Variants in GREM1 observed in about 807,000 individuals in gnomAD.
The protein encoded by GREM1 is gremlin 1, DAN family BMP antagonist.
Under a neutral mutation model 13.1 loss-of-function variants are expected in GREM1, and 6 were observed. That is an observed-to-expected ratio of 0.46 (90% confidence interval 0.25 to 0.91). The LOEUF (loss-of-function observed/expected upper bound fraction) is 0.91, where lower values mean the gene tolerates loss of function less well. GREM1 is among the 40% of genes least tolerant of loss of function. The pLI is 0.18. For missense variants in GREM1, 185 were observed against 233.9 expected (o/e 0.79, Z 1.36); for synonymous variants, 98 against 93.7 (o/e 1.05, Z -0.27).
rs2055724276 is a variant in GREM1 at position 32,738,113 on chromosome 15, AAAAAAAAAAAAAAAAAAAAAG to A, written c.*6873_*6893del. On this transcript the variant is annotated 3_prime_UTR_variant, in exon 2 of 2. Transcript: ENST00000651154. ...AAAAAAAAAAAAAAAAAAAAAAAAA[AAAAAAAAAAAAAAAAAAAAAG>A]AAAAGAAAAAAGTCATCCAGATTGG... The A allele has an allele frequency of 7.8e-6, 1 of 127,850 alleles. No individual in the cohort carries two copies. The highest frequency in any genetic ancestry group is 1.6e-5 in the Non-Finnish European group (1 of 61,840). 7.9% of individuals were successfully genotyped at this position (127,850 alleles called of 1,614,324 possible).
At chr15:32,719,348 A>C (rs1205772214) in intron 1 of GREM1, among the ~76,000 whole-genome samples, 1 of 152,170 alleles carries the variant, frequency 6.6e-6, no homozygotes, top group Non-Finnish European at 1.5e-5. Context: ...GGCTCTGGCG[A>C]CGGTCACCGG....
chr15:32,728,393 C>T lies in GREM1; in HGVS notation c.-1-2297C>T, dbSNP rs375717764. Among the ~76,000 whole-genome samples the T allele has an allele frequency of 2.0e-4, 31 of 152,218 alleles. 2 individuals are homozygous for T. Among genetic ancestry groups the T allele is most frequent in the Middle Eastern group, 3.4e-3 (1 of 294 alleles). On this transcript the variant is annotated intron_variant, in intron 1 of 1. Transcript: ENST00000651154. ...CATACACTGACCAAAGGTGGGAAACCTACAGTTGGAGCAGAAGCTGAATGT... is the reference window on the plus strand; with the variant it reads ...CATACACTGACCAAAGGTGGGAAACTTACAGTTGGAGCAGAAGCTGAATGT...
chr15:32,723,138 C>T (rs1160431190), intron 1 of GREM1, among the ~76,000 whole-genome samples: 1 of 152,196 alleles, frequency 6.6e-6, no homozygotes, highest in East Asian at 1.9e-4. Flanking sequence ...ATGGGACACC[C>T]TTCTACATGT....
chr15:32,732,616 G>A lies in GREM1; in HGVS notation c.*1371G>A, dbSNP rs1428652695. Reference sequence around the variant, plus strand: ...TTTATGTGCTCACTGAGGATCTGAGGGGACCCTGTTAGGAGAGCATAGCAT... The same window carrying A: ...TTTATGTGCTCACTGAGGATCTGAGAGGACCCTGTTAGGAGAGCATAGCAT... On this transcript the variant is annotated 3_prime_UTR_variant, in exon 2 of 2. Coordinates refer to ENST00000651154, the MANE Select transcript of GREM1 (RefSeq NM_013372.7). 1 of 244,856 alleles carries A rather than the reference G, an allele frequency of 4.1e-6. No individual in the cohort carries two copies. The highest frequency in any genetic ancestry group is 6.2e-5 in the East Asian group (1 of 16,164). The allele number at this position is 244,856 out of a possible 1,614,324, so 15.2% of individuals were successfully genotyped here. A position where few individuals can be genotyped will look rare whatever the true frequency, so the allele number is the denominator to read the frequency against.
rs904719201 is a variant in GREM1 at position 32,743,313 on chromosome 15, A to G, written c.*12068A>G. 1 of 152,226 alleles carries G rather than the reference A, an allele frequency of 6.6e-6. No individual in the cohort carries two copies. The highest frequency in any genetic ancestry group is 1.5e-5 in the Non-Finnish European group (1 of 68,048). 9.4% of individuals were successfully genotyped at this position (152,226 alleles called of 1,614,324 possible). On this transcript the variant is annotated 3_prime_UTR_variant, in exon 2 of 2. Coordinates refer to ENST00000651154, the MANE Select transcript of GREM1 (RefSeq NM_013372.7). Reference sequence around the variant, plus strand: ...CTGCTGGCAGCCACCTTTCCCAGGTATATGGATGAAACTATCTGAAGGATG... The same window carrying G: ...CTGCTGGCAGCCACCTTTCCCAGGTGTATGGATGAAACTATCTGAAGGATG...
rs7497354 is a variant in GREM1 at position 32,723,201 on chromosome 15, A to G, written c.-2+5040A>G. Among the ~76,000 whole-genome samples, 47,806 of 152,034 alleles carry G rather than the reference A, an allele frequency of 0.31. 8,242 individuals are homozygous for G. Among genetic ancestry groups the G allele is most frequent in the Non-Finnish European group, 0.39 (26,635 of 67,946 alleles). ...AATGTACATCTTCTGCATTTCCTCT[A>G]CATCTCTGATATTTACAAAGTGCAC... is the stretch of plus-strand genomic sequence containing the variant. On this transcript the variant is annotated intron_variant, in intron 1 of 1. Coordinates refer to ENST00000651154, the MANE Select transcript of GREM1 (RefSeq NM_013372.7).
chr15:32,725,811 G>A (rs979672491), intron 1 of GREM1, among the ~76,000 whole-genome samples: 1 of 152,138 alleles, frequency 6.6e-6, no homozygotes, highest in South Asian at 2.1e-4. Context: ...ATTAATTTTT[G>A]TATAAGGTGT....
intron 1 of GREM1, among the ~76,000 whole-genome samples, chr15:32,722,083 C>T (rs2055417971): frequency 6.6e-6 from 1 of 152,200 alleles, no homozygotes. Context: ...GAGACTTTAT[C>T]CTCTACCTGT....
rs544059288 is a variant in GREM1 at position 32,723,235 on chromosome 15, G to A, written c.-2+5074G>A. Among the ~76,000 whole-genome samples the A allele has an allele frequency of 1.6e-3, 238 of 152,258 alleles. 1 individual carries two copies. Among genetic ancestry groups the A allele is most frequent in the African/African-American group, 5.6e-3 (234 of 41,554 alleles). On this transcript the variant is annotated intron_variant, in intron 1 of 1. Transcript: ENST00000651154. ...ATATTTACAAAGTGCACATTATTTG[G>A]TGATACTACAACTGGGATTTCAAGT... is the stretch of plus-strand genomic sequence containing the variant.
At chr15:32,725,986 ATTGGTCTGTAT>A (rs2055495697) in intron 1 of GREM1, among the ~76,000 whole-genome samples, 1 of 152,060 alleles carries the variant, frequency 6.6e-6, no homozygotes, top group Admixed American at 6.5e-5. Context: ...GTTCTGTTCC[ATTGGTCTGTAT>A]ATCTGCTTTG....
chr15:32,730,853 T>C lies in GREM1; in HGVS notation c.163T>C (p.Ser55Pro). The C allele has an allele frequency of 6.2e-7, 1 of 1,613,618 alleles. No individual in the cohort carries two copies. Among genetic ancestry groups the C allele is most frequent in the Admixed American group, 1.7e-5 (1 of 59,990 alleles). Residue 55 changes from serine (S) to proline (P), a missense_variant, in exon 2 of 2, where the codon TCC becomes CCC. Ser to Pro is a moderately conservative substitution (Grantham distance 74, BLOSUM62 -1). Coordinates refer to ENST00000651154, the MANE Select transcript of GREM1 (RefSeq NM_013372.7). Reference protein sequence around the residue: ...EQTQSPQQPGSRNRGRGQGRG... With the variant: ...EQTQSPQQPGPRNRGRGQGRG... Reference sequence around the variant, plus strand: ...GACTCAGTCGCCCCAGCAGCCTGGCTCCAGGAACCGGGGGCGGGGCCAAGG... The same window carrying C: ...GACTCAGTCGCCCCAGCAGCCTGGCCCCAGGAACCGGGGGCGGGGCCAAGG...
chr15:32,720,076 T>C (rs1488377913), intron 1 of GREM1, among the ~76,000 whole-genome samples: 2 of 152,124 alleles, frequency 1.3e-5, no homozygotes, highest in African/African-American at 4.8e-5. Flanking sequence ...GCAGTATGTG[T>C]GCGTGTGTGT....
At chr15:32,724,947 G>A (rs1357871501) in intron 1 of GREM1, among the ~76,000 whole-genome samples, 4 of 152,076 alleles carry the variant, frequency 2.6e-5, no homozygotes, top group Non-Finnish European at 5.9e-5. Flanking sequence ...CTTCATCCAC[G>A]TCCCTGCAAA....
chr15:32,737,928 C>CAAAAAA lies in GREM1; in HGVS notation c.*6695_*6700dup, dbSNP rs148936089. 1,567 of 36,340 alleles carry CAAAAAA rather than the reference C, an allele frequency of 0.043. 83 individuals are homozygous for CAAAAAA. The highest frequency in any genetic ancestry group is 0.075 in the African/African-American group (789 of 10,564). 2.3% of individuals were successfully genotyped at this position (36,340 alleles called of 1,614,324 possible). A position where few individuals can be genotyped will look rare whatever the true frequency, so the allele number is the denominator to read the frequency against. ...GGGCAACAAGAACAAAACTCTGTCT[C>CAAAAAA]AAAAAAAAAAAAAAAAAGAAAAGAA... On this transcript the variant is annotated 3_prime_UTR_variant, in exon 2 of 2. Transcript: ENST00000651154.
intron 1 of GREM1, among the ~76,000 whole-genome samples, chr15:32,725,595 A>G (rs2055488284): frequency 6.6e-6 from 1 of 152,024 alleles, no homozygotes; most frequent in Non-Finnish European, 1.5e-5. Flanking sequence ...TTGCCTGTTC[A>G]CTCTGATGGT....
intron 1 of GREM1, among the ~76,000 whole-genome samples, chr15:32,730,441 A>C (rs2055595258): frequency 6.6e-6 from 1 of 152,184 alleles, no homozygotes; most frequent in South Asian, 2.1e-4. Context: ...TGCAGAGAAG[A>C]GCTAGGCCCT....
In GREM1 at chr15:32,736,811, A is replaced by G. The variant is rs2055702985; in HGVS notation, c.*5566A>G. On this transcript the variant is annotated 3_prime_UTR_variant, in exon 2 of 2. Coordinates refer to ENST00000651154, the MANE Select transcript of GREM1 (RefSeq NM_013372.7). ...GCCCTGCCTGCATGTGGGAATCCTC[A>G]TCCAAGTCATACTTTCTAAACATCA... The G allele has an allele frequency of 1.3e-5, 2 of 152,212 alleles. No homozygotes were observed. The highest frequency in any genetic ancestry group is 2.9e-5 in the Non-Finnish European group (2 of 68,030). 9.4% of individuals were successfully genotyped at this position (152,212 alleles called of 1,614,324 possible).
intron 1 of GREM1, chr15:32,718,553 C>T (rs1188164252): frequency 6.8e-6 from 3 of 440,282 alleles, no homozygotes; most frequent in Non-Finnish European, 9.1e-6. Flanking sequence ...ACCTGCTAGT[C>T]GGCCGCTGAC....
chr15:32,738,125 A>AAAAAAAAAAAAAAACCAAAC lies in GREM1; in HGVS notation c.*6888_*6889insAAAAAACCAAACAAAAAAAA. ...AAAAAAAAAAAAAAAAAAAAAAAAA[A>AAAAAAAAAAAAAAACCAAAC]AAAAAAAAGAAAAGAAAAAAGTCAT... On this transcript the variant is annotated 3_prime_UTR_variant, in exon 2 of 2. Coordinates refer to ENST00000651154, the MANE Select transcript of GREM1 (RefSeq NM_013372.7). 1.4e-4 allele frequency: 4 copies of AAAAAAAAAAAAAAACCAAAC among 27,966 alleles called. No individual in the cohort carries two copies. The highest frequency in any genetic ancestry group is 3.0e-4 in the African/African-American group (2 of 6,582). The allele number at this position is 27,966 out of a possible 1,614,324, so 1.7% of individuals were successfully genotyped here.
Sources: gnomAD v4.1 joint callset for allele counts (sites outside exome capture counted in the v4.1 genomes callset) on GRCh38, gnomAD v4.1.1 for gene constraint, MANE v1.5 for transcripts, NCBI Gene and HGNC (gene_info 2026-07-23, HGNC 2026-07-21) for gene names.